GPR19: variants seen among roughly 807,000 people sequenced by gnomAD.
The protein encoded by GPR19 is probable G protein-coupled receptor 19.
GPR19 carries 14 observed loss-of-function variants against 28.5 expected under a neutral mutation model. The ratio of observed to expected loss-of-function variants is 0.49; its 90% CI spans 0.32 to 0.77. GPR19 has a LOEUF of 0.77. Ranked by LOEUF, GPR19 falls within the 30% of genes least tolerant of loss-of-function variation. The pLI, the probability that GPR19 is intolerant of heterozygous loss-of-function variation, is 0.03. For synonymous variants in GPR19, 173 were observed against 184.1 expected, an observed-to-expected ratio of 0.94 and a Z score of 0.49; for missense variants, 409 against 504.1, an observed-to-expected ratio of 0.81 and a Z score of 1.81.
At chr12:12,705,388 T>C in the GPR19 span, among the ~76,000 whole-genome samples, 2 of 152,022 alleles carry the variant, frequency 1.3e-5, no homozygotes, top group Non-Finnish European at 2.9e-5. Context: ...GATAGTCTAT[T>C]ATGGTGGGAA....
upstream of GPR19, among the ~76,000 whole-genome samples, chr12:12,700,165 C>CTCTT (rs1946311428): frequency 2.1e-5 from 3 of 146,178 alleles, no homozygotes; most frequent in African/African-American, 7.4e-5. Context: ...CTTTCTTTCT[C>CTCTT]TCTCTCTCTG....
chr12:12,684,082 G>A (rs1266914291), intron 3 of GPR19: 1 of 152,028 alleles, frequency 6.6e-6, no homozygotes, highest in East Asian at 1.9e-4. Context: ...CAGGCTTCAA[G>A]GGGAAAAAAT....
chr12:12,664,979 G>T (rs976638945), intron 3 of GPR19, among the ~76,000 whole-genome samples: 2 of 140,028 alleles, frequency 1.4e-5, no homozygotes, highest in Non-Finnish European at 3.1e-5. Flanking sequence ...AATTAGCATT[G>T]TCCTAGAAAA....
At chr12:12,689,766 G>A (rs1384640321) in intron 2 of GPR19, among the ~76,000 whole-genome samples, 2 of 152,154 alleles carry the variant, frequency 1.3e-5, no homozygotes, top group African/African-American at 4.8e-5. Flanking sequence ...CTAATAAATA[G>A]AATGTGACAG....
intron 3 of GPR19, among the ~76,000 whole-genome samples, chr12:12,670,149 G>A (rs1945836418): frequency 6.6e-6 from 1 of 152,212 alleles, no homozygotes; most frequent in Non-Finnish European, 1.5e-5. Flanking sequence ...TTCTTACAAT[G>A]TCGACTCAGA....
At chr12:12,716,914 G>A in the GPR19 span, 1 of 984,710 alleles carries the variant, frequency 1.0e-6, no homozygotes. Context: ...GCTGGGGAGG[G>A]CCGAGCTGGG....
the GPR19 span, chr12:12,716,891 C>G: frequency 2.0e-6 from 2 of 984,648 alleles, no homozygotes; most frequent in South Asian, 4.7e-5. Context: ...CCGCAGACCA[C>G]GAGGTGGGGG....
the GPR19 span, among the ~76,000 whole-genome samples, chr12:12,709,231 C>T: frequency 5.3e-5 from 8 of 151,238 alleles, no homozygotes; most frequent in African/African-American, 1.5e-4. Context: ...TAGGGAGTAG[C>T]ACCTCATGAG....
chr12:12,705,305 G>A, the GPR19 span, among the ~76,000 whole-genome samples: 1 of 151,564 alleles, frequency 6.6e-6, no homozygotes, highest in East Asian at 1.9e-4. Flanking sequence ...CAACAAGAGC[G>A]AAACTCCATC....
At chr12:12,716,619 T>TGTTTTTTG in the GPR19 span, 1 of 361,618 alleles carries the variant, frequency 2.8e-6, no homozygotes, top group South Asian at 1.1e-4. Flanking sequence ...TTTTGTTTTT[T>TGTTTTTTG]TTTTTTAATC....
At chr12:12,664,821 G>A (rs1945738470) in intron 3 of GPR19, among the ~76,000 whole-genome samples, 1 of 150,610 alleles carries the variant, frequency 6.6e-6, no homozygotes, top group Non-Finnish European at 1.5e-5. Context: ...TCGGGAGGCT[G>A]AGGCAGGAGA....
At chr12:12,716,447 A>T in the GPR19 span, among the ~76,000 whole-genome samples, 1 of 152,166 alleles carries the variant, frequency 6.6e-6, no homozygotes, top group Non-Finnish European at 1.5e-5. Context: ...GGGAAAGAAC[A>T]GAAAAGTAGA....
intron 3 of GPR19, among the ~76,000 whole-genome samples, chr12:12,664,510 G>C (rs939683067): frequency 9.2e-5 from 14 of 151,988 alleles, no homozygotes; most frequent in African/African-American, 3.1e-4. Flanking sequence ...TAAAAAAAAA[G>C]TTTTTGCTCA....
chr12:12,703,164 T>C, the GPR19 span, among the ~76,000 whole-genome samples: 1 of 152,180 alleles, frequency 6.6e-6, no homozygotes, highest in South Asian at 2.1e-4. Context: ...AGGATACATA[T>C]TGAGTGAATG....
At chr12:12,667,863 A>G (rs527549012) in intron 3 of GPR19, among the ~76,000 whole-genome samples, 6 of 152,268 alleles carry the variant, frequency 3.9e-5, no homozygotes, top group African/African-American at 1.2e-4. Flanking sequence ...CTATGTCTTT[A>G]CTTCTATATC....
intron 3 of GPR19, among the ~76,000 whole-genome samples, chr12:12,675,926 G>A (rs995361861): frequency 6.6e-6 from 1 of 152,148 alleles, no homozygotes; most frequent in African/African-American, 2.4e-5. Flanking sequence ...GACTTCTGAT[G>A]TACAGAACTG....
intron 2 of GPR19, among the ~76,000 whole-genome samples, chr12:12,691,060 T>C (rs1296741790): frequency 6.6e-6 from 1 of 151,796 alleles, no homozygotes; most frequent in African/African-American, 2.4e-5. Flanking sequence ...TGGATTTTAA[T>C]TGTGATGCAG....
upstream of GPR19, among the ~76,000 whole-genome samples, chr12:12,698,115 G>C (rs1263882690): frequency 6.6e-6 from 1 of 152,154 alleles, no homozygotes; most frequent in Admixed American, 6.5e-5. Context: ...ATTAAGTATG[G>C]GAGTGGAAGA....
chr12:12,697,054 T>C (rs1946274674), upstream of GPR19, among the ~76,000 whole-genome samples: 1 of 144,310 alleles, frequency 6.9e-6, no homozygotes. Context: ...GTAGGCCTAG[T>C]TATGGTAAAA....
Sources: allele counts gnomAD v4.1 joint callset (sites outside exome capture counted in the v4.1 genomes callset), GRCh38; gene constraint gnomAD v4.1.1; transcripts MANE v1.5; gene names NCBI Gene and HGNC (gene_info 2026-07-23, HGNC 2026-07-21).